SYNE2: variants seen among roughly 807,000 people sequenced by gnomAD.
SYNE2 encodes the protein nesprin-2.
A neutral mutation model predicts 856.3 loss-of-function variants in SYNE2; 431 were observed. That is an observed-to-expected ratio of 0.50 (90% CI 0.47 to 0.55). The LOEUF (loss-of-function observed/expected upper bound fraction) is 0.55, where lower values mean the gene tolerates loss of function less well. Ranked by LOEUF, SYNE2 falls within the 20% of genes least tolerant of loss-of-function variation. The probability of loss-of-function intolerance (pLI) is 0.00; values close to 1 mark genes in which losing one functional copy is unlikely to be tolerated. For missense variants in SYNE2, 8,129 were observed against 8,023.2 expected (o/e 1.01, Z -0.50); for synonymous variants, 2,923 against 2,872.3 (o/e 1.02, Z -0.56).
rs1263971922 is a variant in SYNE2 at position 63,978,905 on chromosome 14, A to G, written c.1460A>G (p.Tyr487Cys). ...KFILLLEFHY[Y>C]KCLVLGLVDE... is the part of the protein sequence containing the mutation. ...ATTCTACTTCTAGAATTTCATTACTACAAGTGCTTAGTTCTTGGTTTGGTA... is the reference window on the plus strand; with the variant it reads ...ATTCTACTTCTAGAATTTCATTACTGCAAGTGCTTAGTTCTTGGTTTGGTA... The change falls in exon 14 of 116, where the codon TAC (tyrosine) becomes TGC (cysteine). Residue 487 changes from tyrosine (Y) to cysteine (C), a missense_variant. By Grantham distance (194) the Tyr-to-Cys change is radical. Around this residue, in one of 3 missense-constraint regions of SYNE2, gnomAD observed 2,422 missense variants for 2,357.4 expected, o/e 1.03. Coordinates refer to ENST00000555002, the MANE Select transcript of SYNE2 (RefSeq NM_182914.3). 8.1e-6 allele frequency: 13 copies of G among 1,613,016 alleles called. No homozygotes were observed. Among genetic ancestry groups the G allele is most frequent in the Non-Finnish European group, 1.1e-5 (13 of 1,179,110 alleles).
chr14:64,022,686 TC>T, intron 37 of SYNE2, 64 bp from the exon 38 acceptor site: 1 of 865,178 alleles, frequency 1.2e-6, no homozygotes, highest in Non-Finnish European at 1.9e-6. Flanking sequence ...TTTCAAAATC[TC>T]TCACTTTAAC....
At chr14:64,019,285 A>AG (rs996575325) in intron 34 of SYNE2, among the ~76,000 whole-genome samples, 5 of 151,772 alleles carry the variant, frequency 3.3e-5, no homozygotes, top group African/African-American at 1.2e-4. Flanking sequence ...AAAAAAAAAA[A>AG]AATTTGTTCT....
intron 35 of SYNE2, 67 bp downstream of exon 35, chr14:64,020,160 T>C: frequency 1.8e-6 from 2 of 1,120,714 alleles, no homozygotes; most frequent in Non-Finnish European, 2.7e-6. Context: ...ATCACTGCAC[T>C]CCAGCCTGGG....
intron 1 of SYNE2, among the ~76,000 whole-genome samples, chr14:63,827,048 C>A (rs1184850951): frequency 2.0e-5 from 3 of 151,812 alleles, no homozygotes; most frequent in Admixed American, 6.6e-5. Context: ...GAGGCTGAGG[C>A]GGGTGGATCA....
Position 64,163,520 on chromosome 14 carries a change from A to G in SYNE2, c.16418A>G (p.His5473Arg), listed in dbSNP as rs777830063. 2 of 1,614,076 alleles carry G rather than the reference A, an allele frequency of 1.2e-6. No homozygotes were observed. The highest frequency in any genetic ancestry group is 1.1e-5 in the South Asian group (1 of 91,078). ...CACATGCTCCTCCCGGGCCCCCTGC[A>G]CTCTCTCCAGAGGGCTGCTTATTTG... ...STHMLLPGPL[H>R]SLQRAAYLEK... is the part of the protein sequence containing the mutation. The change falls in exon 89 of 116, where the codon CAC becomes CGC. Residue 5473 changes from histidine (H) to arginine (R), a missense_variant. His to Arg is a conservative substitution (Grantham distance 29, BLOSUM62 0). Around this residue, in one of 3 missense-constraint regions of SYNE2, gnomAD observed 5,410 missense variants for 5,284.8 expected, o/e 1.02. Coordinates refer to ENST00000555002, the MANE Select transcript of SYNE2 (RefSeq NM_182914.3).
intron 50 of SYNE2, among the ~76,000 whole-genome samples, chr14:64,064,290 A>G (rs1202736182): frequency 6.6e-6 from 1 of 152,202 alleles, no homozygotes; most frequent in Non-Finnish European, 1.5e-5. Context: ...GGGAACATAT[A>G]CAGCATGATG....
intron 1 of SYNE2, among the ~76,000 whole-genome samples, chr14:63,797,199 C>T (rs1023063928): frequency 6.6e-6 from 1 of 151,652 alleles, no homozygotes; most frequent in Admixed American, 6.6e-5. Context: ...GAGTTTGAGA[C>T]CAGCCTGGTC....
Position 64,221,402 on chromosome 14 carries a change from C to T in SYNE2, c.20062-174C>T, listed in dbSNP as rs968807645. 4.2e-6 allele frequency: 5 copies of T among 1,177,006 alleles called. No homozygotes were observed. In the African/African-American group the frequency reaches 4.6e-5, roughly 11 times the overall value. The allele number at this position is 1,177,006 out of a possible 1,614,324, so 72.9% of individuals were successfully genotyped here. A position where few individuals can be genotyped will look rare whatever the true frequency, so the allele number is the denominator to read the frequency against. ...ACTGTGCTGAGTGTCTTCCTTCTTTCCTCTTCCTCATTTTGGGGCCCTGGC... is the reference window on the plus strand; with the variant it reads ...ACTGTGCTGAGTGTCTTCCTTCTTTTCTCTTCCTCATTTTGGGGCCCTGGC... On this transcript the variant is annotated intron_variant, in intron 111 of 115. Transcript: ENST00000555002.
At chr14:64,104,399 G>T (rs535929058) in intron 64 of SYNE2, among the ~76,000 whole-genome samples, 1 of 149,436 alleles carries the variant, frequency 6.7e-6, no homozygotes, top group South Asian at 2.1e-4. Context: ...GTCTGTGATG[G>T]TAGGCATTCC....
chr14:64,096,414 G>C lies in SYNE2; in HGVS notation c.12109-1535G>C, dbSNP rs189534541. On this transcript the variant is annotated intron_variant, in intron 61 of 115. Coordinates refer to ENST00000555002, the MANE Select transcript of SYNE2 (RefSeq NM_182914.3). ...CATTTTAGTATTATGAAAATGATCT[G>C]GACCTCATGGACTGTGGCCAGGGGT... is the stretch of plus-strand genomic sequence containing the variant. Among the ~76,000 whole-genome samples the C allele has an allele frequency of 5.1e-3, 780 of 152,268 alleles. 6 individuals are homozygous for C. The highest frequency in any genetic ancestry group is 8.6e-3 in the Non-Finnish European group (585 of 68,022).
rs760726005 is a variant in SYNE2 at position 64,120,921 on chromosome 14, T to C, written c.13024-6T>C. ...AAATAGCCTGCCATTATGAAATGTTTTGCAGCATCCTACCATTCTAAAGAA... is the reference window on the plus strand; with the variant it reads ...AAATAGCCTGCCATTATGAAATGTTCTGCAGCATCCTACCATTCTAAAGAA... On this transcript the variant is annotated splice_region_variant and splice_polypyrimidine_tract_variant and intron_variant, in intron 67 of 115. Transcript: ENST00000555002. 9 of 1,613,972 alleles carry C rather than the reference T, an allele frequency of 5.6e-6. No individual in the cohort carries two copies. The highest frequency in any genetic ancestry group is 7.6e-6 in the Non-Finnish European group (9 of 1,179,976).
At chr14:63,787,401 A>G (rs750757678) in intron 1 of SYNE2, among the ~76,000 whole-genome samples, 5 of 151,994 alleles carry the variant, frequency 3.3e-5, no homozygotes, top group Non-Finnish European at 7.4e-5. Flanking sequence ...CATGAGATCA[A>G]TTTTTTTAGT....
chr14:63,983,143 A>C (rs866415767), intron 17 of SYNE2, among the ~76,000 whole-genome samples: 1 of 152,218 alleles, frequency 6.6e-6, no homozygotes, highest in Non-Finnish European at 1.5e-5. Flanking sequence ...GTATTATAGA[A>C]TGTAATCGTA....
chr14:64,007,550 C>T (rs918835719), intron 31 of SYNE2, among the ~76,000 whole-genome samples: 1 of 152,136 alleles, frequency 6.6e-6, no homozygotes, highest in Non-Finnish European at 1.5e-5. Context: ...AAAAAGAACA[C>T]GGATTTATTA....
chr14:63,828,173 G>A (rs1889533356), intron 1 of SYNE2, among the ~76,000 whole-genome samples: 1 of 151,466 alleles, frequency 6.6e-6, no homozygotes, highest in African/African-American at 2.4e-5. Flanking sequence ...CTTCAGCCTG[G>A]GTGACAGAGT....
intron 1 of SYNE2, among the ~76,000 whole-genome samples, chr14:63,856,150 A>G (rs1248815672): frequency 3.9e-5 from 6 of 152,168 alleles, no homozygotes; most frequent in East Asian, 3.8e-4. Flanking sequence ...AGCACTGTCA[A>G]GTTAAGGGAG....
intron 1 of SYNE2, among the ~76,000 whole-genome samples, chr14:63,866,033 A>G (rs1253250999): frequency 6.6e-6 from 1 of 152,120 alleles, no homozygotes; most frequent in Non-Finnish European, 1.5e-5. Flanking sequence ...ATTTCTAAGA[A>G]ATATTTTTTT....
At chr14:64,144,881 C>T (rs2098168446) in intron 83 of SYNE2, among the ~76,000 whole-genome samples, 1 of 148,942 alleles carries the variant, frequency 6.7e-6, no homozygotes, top group East Asian at 2.0e-4. Context: ...GGGAATAGTT[C>T]ATCGAATTAT....
chr14:63,916,274 G>A (rs939445905), intron 2 of SYNE2, among the ~76,000 whole-genome samples: 2 of 152,102 alleles, frequency 1.3e-5, no homozygotes, highest in South Asian at 2.1e-4. Context: ...AATAAAAAAC[G>A]TACTGTATAT....
Sources: gnomAD v4.1 joint callset for allele counts (sites outside exome capture counted in the v4.1 genomes callset) on GRCh38, gnomAD v4.1.1 for gene constraint, gnomAD v4.1.1 regional missense constraint, MANE v1.5 for transcripts, NCBI Gene and HGNC (gene_info 2026-07-23, HGNC 2026-07-21) for gene names.